The following RPP30 variants were observed in gnomAD, a reference collection of about 807,000 sequenced individuals.
RPP30 encodes ribonuclease P protein subunit p30.
A neutral mutation model predicts 38.6 loss-of-function variants in RPP30; 36 were observed. The observed-to-expected ratio is 0.93, with a 90% CI of 0.71 to 1.23. The LOEUF (loss-of-function observed/expected upper bound fraction) is 1.23. Among genes scored for constraint, RPP30 ranks in the 50% most tolerant of loss-of-function variants. RPP30 has a pLI of 0.00. For synonymous variants in RPP30, 126 were observed against 112.7 expected (o/e 1.12, Z -0.75); for missense variants, 321 against 321.7 (o/e 1.00, Z 0.02).
chr10:90,882,433 T>G (rs1232866782), intron 5 of RPP30, among the ~76,000 whole-genome samples: 3 of 152,202 alleles, frequency 2.0e-5, no homozygotes, highest in Middle Eastern at 3.4e-3. Flanking sequence ...CCTAGCACTT[T>G]GGGAGGCCGA....
chr10:90,878,639 G>A (rs1243035067), intron 4 of RPP30, among the ~76,000 whole-genome samples: 1 of 151,978 alleles, frequency 6.6e-6, no homozygotes, highest in Non-Finnish European at 1.5e-5. Flanking sequence ...ACATATGTGT[G>A]TACCACCACA....
rs1412864181 is a variant in RPP30, at chr10:90,872,044, G to C, written c.58G>C (p.Gly20Arg). The change falls in exon 1 of 11, where the codon GGA (glycine) becomes CGA (arginine). Residue 20 changes from glycine (G) to arginine (R), a missense_variant. By Grantham distance (125) the Gly-to-Arg change is moderately radical. Transcript: ENST00000371703. ...GGGTTCTGACCTGAAGGCTCTGCGC[G>C]GACTTGTGGAGACAGCCGCTCACCG... ...RAGSDLKALRGLVETAAHLGY... is the reference protein window; with the variant it reads ...RAGSDLKALRRLVETAAHLGY... 1 of 1,614,158 alleles carries C rather than the reference G, an allele frequency of 6.2e-7. No individual in the cohort carries two copies. The highest frequency in any genetic ancestry group is 8.5e-7 in the Non-Finnish European group (1 of 1,180,022).
downstream of RPP30, among the ~76,000 whole-genome samples, chr10:90,904,423 G>A (rs928594405): frequency 6.6e-6 from 1 of 152,114 alleles, no homozygotes; most frequent in African/African-American, 2.4e-5. Flanking sequence ...TCTGTGCCTC[G>A]CTTCATCTGT....
At position 90,901,964 on chromosome 10, in the gene RPP30, G is replaced by A. The variant is rs936616058; in HGVS notation, c.*1285G>A. ...CTCCTGAGTAGCTGGGACTACAGGC[G>A]CTCGCCATGTATTTAGCAGAGACGG... On this transcript the variant is annotated 3_prime_UTR_variant, in exon 11 of 11. Coordinates refer to ENST00000371703, the MANE Select transcript of RPP30 (RefSeq NM_006413.5). The A allele has an allele frequency of 2.4e-5, 9 of 368,108 alleles. No individual in the cohort carries two copies. The highest frequency in any genetic ancestry group is 1.7e-4 in the East Asian group (1 of 5,996). The allele number at this position is 368,108 out of a possible 1,614,324, so 22.8% of individuals were successfully genotyped here.
At chr10:90,907,421 T>C (rs891318511), downstream of RPP30, among the ~76,000 whole-genome samples, 5 of 152,216 alleles carry the variant, frequency 3.3e-5, no homozygotes, top group African/African-American at 1.2e-4. Flanking sequence ...GGATTAGTAC[T>C]AGACAGAAAA....
chr10:90,874,643 T>C (rs1279901152), intron 1 of RPP30, among the ~76,000 whole-genome samples: 1 of 152,238 alleles, frequency 6.6e-6, no homozygotes, highest in Non-Finnish European at 1.5e-5. Flanking sequence ...GAAGAAAGTG[T>C]TGTTATTTTC....
chr10:90,905,651 A>G (rs983903162), downstream of RPP30: 1 of 152,208 alleles, frequency 6.6e-6, no homozygotes, highest in South Asian at 2.1e-4. Context: ...GTCCAGTAAC[A>G]TGAAGATGCT....
At chr10:90,888,791 C>G (rs1564713307) in intron 6 of RPP30, among the ~76,000 whole-genome samples, 1 of 152,016 alleles carries the variant, frequency 6.6e-6, no homozygotes, top group Admixed American at 6.5e-5. Context: ...CTACATTTTT[C>G]AATTTAAGAA....
chr10:90,894,665 T>C (rs1589500884), intron 6 of RPP30, 110 bp from the exon 7 acceptor site: 1 of 765,166 alleles, frequency 1.3e-6, no homozygotes, highest in Non-Finnish European at 2.3e-6. Flanking sequence ...TACCTTGACA[T>C]GTAAGGGGTC....
At chr10:90,876,930 G>A (rs1846860030) in intron 4 of RPP30, among the ~76,000 whole-genome samples, 1 of 152,150 alleles carries the variant, frequency 6.6e-6, no homozygotes, top group Admixed American at 6.5e-5. Context: ...CAGCCAGGTA[G>A]GTAATGGTGT....
At chr10:90,880,007 A>G (rs1232777586) in intron 5 of RPP30, 1 of 152,172 alleles carries the variant, frequency 6.6e-6, no homozygotes, top group East Asian at 1.9e-4. Context: ...CAAAAATATA[A>G]CCACCAAAGG....
chr10:90,882,184 A>G (rs532002678), intron 5 of RPP30, among the ~76,000 whole-genome samples: 1 of 152,296 alleles, frequency 6.6e-6, no homozygotes, highest in Admixed American at 6.5e-5. Flanking sequence ...AAAGCAGCTG[A>G]GCAGGTTGAG....
downstream of RPP30, among the ~76,000 whole-genome samples, chr10:90,906,560 C>T (rs1397898017): frequency 6.6e-6 from 1 of 152,190 alleles, no homozygotes; most frequent in Non-Finnish European, 1.5e-5. Context: ...GTGAGTTGAT[C>T]AGCATTGCAT....
In RPP30 at chr10:90,896,244, T is replaced by G. The variant is rs2120229273; in HGVS notation, c.618-69T>G. On this transcript the variant is annotated intron_variant, in intron 9 of 10. Transcript: ENST00000371703. Reference sequence around the variant, plus strand: ...AAGATGACCAGGTTAGCTGGCACTTTCTGTTATGTTTGTGTTAGTCTCGTG... The same window carrying G: ...AAGATGACCAGGTTAGCTGGCACTTGCTGTTATGTTTGTGTTAGTCTCGTG... 3 of 1,385,326 alleles carry G rather than the reference T, an allele frequency of 2.2e-6. No homozygotes were observed. The East Asian group carries it at 6.9e-5, about 32-fold the overall frequency. The allele number at this position is 1,385,326 out of a possible 1,614,324, so 85.8% of individuals were successfully genotyped here.
At chr10:90,906,500 T>C (rs1041321141), downstream of RPP30, among the ~76,000 whole-genome samples, 4 of 152,252 alleles carry the variant, frequency 2.6e-5, no homozygotes, top group Non-Finnish European at 5.9e-5. Flanking sequence ...TAGGAGTTTT[T>C]ATTTCATCCT....
At chr10:90,889,802 T>A (rs1351011228) in intron 6 of RPP30, among the ~76,000 whole-genome samples, 2 of 152,172 alleles carry the variant, frequency 1.3e-5, no homozygotes, top group Admixed American at 6.5e-5. Context: ...CCTTTTGTCA[T>A]CTTCACTGTA....
intron 10 of RPP30, among the ~76,000 whole-genome samples, chr10:90,899,230 G>T (rs1334272654): frequency 6.6e-6 from 1 of 152,152 alleles, no homozygotes; most frequent in East Asian, 1.9e-4. Flanking sequence ...GGAAATCATT[G>T]ACAGTTTTTA....
chr10:90,902,854 A>C (rs1052016656), downstream of RPP30, among the ~76,000 whole-genome samples: 10 of 152,192 alleles, frequency 6.6e-5, 1 homozygote, highest in Non-Finnish European at 1.5e-4. Context: ...CACACACCAA[A>C]AGTCTGCCAC....
intron 6 of RPP30, among the ~76,000 whole-genome samples, chr10:90,888,728 T>C (rs892202722): frequency 3.3e-5 from 5 of 152,134 alleles, no homozygotes; most frequent in African/African-American, 7.2e-5. Flanking sequence ...CCTGATTCCA[T>C]TGGGAAGTTC....
Sources: allele counts gnomAD v4.1 joint callset (sites outside exome capture counted in the v4.1 genomes callset), GRCh38; gene constraint gnomAD v4.1.1; transcripts MANE v1.5; gene names NCBI Gene and HGNC (gene_info 2026-07-23, HGNC 2026-07-21).